Variants in HPN observed in about 807,000 individuals in gnomAD.
HPN encodes the protein serine protease hepsin.
A neutral mutation model predicts 55.9 loss-of-function variants in HPN; 13 were observed. The observed-to-expected ratio is 0.23, with a 90% CI of 0.15 to 0.37. HPN has a LOEUF of 0.37. Among genes scored for constraint, HPN ranks in the 10% least tolerant of loss-of-function variants. The pLI is 1.00. For missense variants in HPN, 451 were observed against 575.8 expected, an observed-to-expected ratio of 0.78 and a Z score of 2.22; for synonymous variants, 225 against 240.3, an observed-to-expected ratio of 0.94 and a Z score of 0.59.
chr19:35,041,788 G>T lies in HPN; in HGVS notation c.-139G>T, dbSNP rs1201253824. The T allele has an allele frequency of 7.6e-7, 1 of 1,324,098 alleles. No homozygotes were observed. The allele number at this position is 1,324,098 out of a possible 1,614,324, so 82.0% of individuals were successfully genotyped here. A position where few individuals can be genotyped will look rare whatever the true frequency, so the allele number is the denominator to read the frequency against. ...GCCTCCAGGCCGCCCGCTGCTGCGG[G>T]GCCACCATGCTCCTGCCCAGGCCTG... On this transcript the variant is annotated 5_prime_UTR_variant, in exon 1 of 13. Transcript: ENST00000672452.
chr19:35,042,565 G>C (rs371754320), intron 2 of HPN, 43 bp downstream of exon 2: 1 of 1,543,826 alleles, frequency 6.5e-7, no homozygotes, highest in Non-Finnish European at 8.9e-7. Flanking sequence ...TCTGCCTGGC[G>C]CCCCGCCCTC....
intron 1 of HPN, 88 bp from the exon 2 acceptor site, chr19:35,042,365 G>T: frequency 6.8e-7 from 1 of 1,462,760 alleles, no homozygotes; most frequent in Non-Finnish European, 9.0e-7. Context: ...CCTACAGCCT[G>T]CCTGGATGGA....
At chr19:35,065,180 CA>C in intron 9 of HPN, 69 bp from the exon 10 acceptor site, 1 of 1,064,504 alleles carries the variant, frequency 9.4e-7, no homozygotes, top group Non-Finnish European at 1.4e-6. Flanking sequence ...GCCATGGTAG[CA>C]GCTGGACAGA....
chr19:35,050,537 G>A lies in HPN; in HGVS notation c.160+1021G>A, dbSNP rs1229280898. 2.3e-6 allele frequency: 3 copies of A among 1,286,658 alleles called. No individual in the cohort carries two copies. In the South Asian group the frequency reaches 3.7e-5, roughly 16 times the overall value. 79.7% of individuals were successfully genotyped at this position (1,286,658 alleles called of 1,614,324 possible). On this transcript the variant is annotated intron_variant, in intron 4 of 12. Transcript: ENST00000672452. Reference sequence around the variant, plus strand: ...CTTATCCACTGTAAGTGTGTCTGCAGGCATGTGGAATGAATGGCCACACAA... The same window carrying A: ...CTTATCCACTGTAAGTGTGTCTGCAAGCATGTGGAATGAATGGCCACACAA...
intron 4 of HPN, among the ~76,000 whole-genome samples, chr19:35,050,180 T>C (rs949319541): frequency 6.6e-6 from 1 of 152,198 alleles, no homozygotes; most frequent in Admixed American, 6.5e-5. Context: ...TAGAGTGCAA[T>C]GGTGCAGTCT....
At chr19:35,041,930 TC>T (rs995519097) in intron 1 of HPN, 58 bp downstream of exon 1, 3 of 1,266,604 alleles carry the variant, frequency 2.4e-6, no homozygotes, top group East Asian at 6.2e-5. Context: ...GGTTCCCTCA[TC>T]CCCCCACCCA....
intron 9 of HPN, among the ~76,000 whole-genome samples, chr19:35,061,248 A>G (rs1466606889): frequency 6.6e-6 from 1 of 152,018 alleles, no homozygotes; most frequent in Non-Finnish European, 1.5e-5. Context: ...CTGTAATCCC[A>G]GCACTTTGGG....
chr19:35,063,815 A>T (rs1046936825), intron 9 of HPN, among the ~76,000 whole-genome samples: 4 of 152,202 alleles, frequency 2.6e-5, no homozygotes, highest in African/African-American at 9.6e-5. Context: ...TCAGATTCAG[A>T]TATTTGCCAA....
chr19:35,058,152 CA>C (rs1440994229), intron 4 of HPN, among the ~76,000 whole-genome samples: 1 of 150,970 alleles, frequency 6.6e-6, no homozygotes, highest in Non-Finnish European at 1.5e-5. Context: ...GACTCCGTCT[CA>C]AAAAAATAAA....
intron 4 of HPN, chr19:35,059,462 A>G: frequency 1.4e-6 from 1 of 699,928 alleles, no homozygotes; most frequent in Admixed American, 2.0e-5. Context: ...AGCCTGGGCA[A>G]CAGAGCGAGA....
chr19:35,047,475 G>A (rs892141377), intron 2 of HPN, among the ~76,000 whole-genome samples: 26 of 152,150 alleles, frequency 1.7e-4, no homozygotes, highest in Non-Finnish European at 2.4e-4. Context: ...CAGCCTGCAC[G>A]GTTTTCTTCA....
intron 4 of HPN, among the ~76,000 whole-genome samples, chr19:35,050,914 C>CTTTTTTTTTTTT (rs5827917): frequency 1.1e-3 from 98 of 90,436 alleles, no homozygotes; most frequent in South Asian, 2.8e-3. Context: ...TTCTTTCTTT[C>CTTTTTTTTTTTT]TTTTTTTTTT....
intron 1 of HPN, 105 bp from the exon 2 acceptor site, chr19:35,042,348 C>G (rs2064302629): frequency 3.5e-6 from 5 of 1,445,344 alleles, no homozygotes; most frequent in Admixed American, 2.7e-5. Context: ...CTGGCCAAGG[C>G]CCAGTCCCTA....
At chr19:35,060,559 A>T (rs1268880581) in intron 8 of HPN, 47 bp downstream of exon 8, 2 of 1,611,888 alleles carry the variant, frequency 1.2e-6, no homozygotes, top group African/African-American at 2.7e-5. Flanking sequence ...AGAGGAGCGG[A>T]GAGACAGTGG....
At position 35,059,696 on chromosome 19, in the gene HPN, C is replaced by T. The variant is rs1371476928; in HGVS notation, c.184C>T (p.Arg62Trp). 4 of 1,599,620 alleles carry T rather than the reference C, an allele frequency of 2.5e-6. No homozygotes were observed. The highest frequency in any genetic ancestry group is 1.1e-5 in the South Asian group (1 of 88,592). ...YPVQVSSADA[R>W]LMVFDKTEGT... The stretch of plus-strand genomic sequence containing the variant: ...AGTGCAGGTCAGCTCTGCGGACGCT[C>T]GGCTCATGGTCTTTGACAAGACGGA... The change falls in exon 5 of 13, where the codon CGG becomes TGG. Residue 62 changes from arginine (R) to tryptophan (W), a missense_variant. Arg to Trp is a moderately radical substitution (Grantham distance 101). This residue lies in a region of HPN where 378 missense variants were observed against 445.5 expected (regional missense o/e 0.85). Transcript: ENST00000672452.
At chr19:35,047,982 C>G (rs1376321393) in intron 2 of HPN, among the ~76,000 whole-genome samples, 1 of 136,330 alleles carries the variant, frequency 7.3e-6, no homozygotes, top group South Asian at 2.3e-4. Flanking sequence ...ACAGTGAAAC[C>G]CTGTCTCAAA....
chr19:35,059,843 G>T (rs764728510), intron 5 of HPN, 31 bp from the exon 6 acceptor site: 53 of 1,522,858 alleles, frequency 3.5e-5, no homozygotes, highest in Non-Finnish European at 4.6e-5. Flanking sequence ...GGGAGGGGCT[G>T]GGGAGCAGGC....
chr19:35,046,802 G>A (rs41523449), intron 2 of HPN, among the ~76,000 whole-genome samples: 15,839 of 152,208 alleles, frequency 0.1, 1,103 homozygotes, highest in Non-Finnish European at 0.16. Context: ...TAGTGAAGGG[G>A]TTGGCTTTTA....
At chr19:35,048,065 AAAG>A (rs781331214) in intron 2 of HPN, among the ~76,000 whole-genome samples, 608 of 53,640 alleles carry the variant, frequency 0.011, 7 homozygotes, top group African/African-American at 0.052. Flanking sequence ...AGAAAGAAAG[AAAG>A]AAAGAAAGAA....
Sources: allele counts gnomAD v4.1 joint callset (sites outside exome capture counted in the v4.1 genomes callset), GRCh38; gene constraint gnomAD v4.1.1; regional missense constraint gnomAD v4.1.1; transcripts MANE v1.5; gene names NCBI Gene and HGNC (gene_info 2026-07-23, HGNC 2026-07-21).